Variants in ABCC9 observed in about 807,000 individuals in gnomAD.
The protein encoded by ABCC9 is ATP-binding cassette sub-family C member 9.
In ABCC9, 95 loss-of-function variants were observed where a neutral mutation model predicts 188.3. The ratio of observed to expected loss-of-function variants is 0.50; its 90% CI spans 0.43 to 0.60. The LOEUF is 0.60. ABCC9 is among the 20% of genes least tolerant of loss of function. The pLI is 0.00. For synonymous variants in ABCC9, 659 were observed against 652.7 expected (o/e 1.01, Z -0.15); for missense variants, 1,102 against 1,876.3 (o/e 0.59, Z 7.62).
intron 37 of ABCC9, 138 bp from the exon 38 acceptor site, chr12:21,807,617 G>A: frequency 8.5e-7 from 1 of 1,182,012 alleles, no homozygotes; most frequent in East Asian, 2.5e-5. Context: ...ACTTCATACT[G>A]GAACACAAAG....
chr12:21,913,355 G>A (rs1948409001), intron 7 of ABCC9, among the ~76,000 whole-genome samples: 1 of 152,118 alleles, frequency 6.6e-6, no homozygotes, highest in Middle Eastern at 3.2e-3. Flanking sequence ...GATGACACAG[G>A]ATTCTTAAAG....
chr12:21,903,266 G>T (rs772925114), intron 12 of ABCC9, among the ~76,000 whole-genome samples: 1 of 152,136 alleles, frequency 6.6e-6, no homozygotes, highest in Non-Finnish European at 1.5e-5. Flanking sequence ...AATTGGTATT[G>T]ATGGGACGTA....
intron 28 of ABCC9, 49 bp downstream of exon 28, chr12:21,844,434 T>G (rs1171335646): frequency 7.0e-7 from 1 of 1,434,552 alleles, no homozygotes; most frequent in Non-Finnish European, 9.8e-7. Context: ...GCTATTTAGC[T>G]TACATTGTGA....
chr12:21,914,595 A>C (rs962257216), intron 7 of ABCC9, among the ~76,000 whole-genome samples: 2 of 152,182 alleles, frequency 1.3e-5, no homozygotes, highest in African/African-American at 4.8e-5. Flanking sequence ...TTTATATAAC[A>C]AACATATTAT....
rs534141077 is a variant in ABCC9 at position 21,927,659 on chromosome 12, C to T, written c.285-1596G>A. On this transcript the variant is annotated intron_variant, in intron 4 of 39. Transcript: ENST00000261200. ...ATTGGAAAGAGGAGCTAATAAGTTT[C>T]GCCAGACATTTATGGATTGTGAAGG... Among the ~76,000 whole-genome samples, 4 of 152,096 alleles carry T rather than the reference C, an allele frequency of 2.6e-5. No individual in the cohort carries two copies. The East Asian group carries it at 7.7e-4, about 29-fold the overall frequency.
intron 5 of ABCC9, chr12:21,923,871 G>C (rs1948940257): frequency 1.4e-6 from 1 of 696,638 alleles, no homozygotes; most frequent in Non-Finnish European, 2.6e-6. Flanking sequence ...AAATAGTACA[G>C]ATGTCTATTA....
Position 21,894,065 on chromosome 12 carries a change from G to A in ABCC9, c.1769C>T (p.Thr590Met), listed in dbSNP as rs1479031095. 13 of 1,613,996 alleles carry A rather than the reference G, an allele frequency of 8.1e-6. No homozygotes were observed. The highest frequency in any genetic ancestry group is 2.2e-5 in the East Asian group (1 of 44,872). The change falls in exon 14 of 40, where the codon ACG (threonine) becomes ATG (methionine). Residue 590 changes from threonine to methionine, a missense_variant. This residue lies in a region of ABCC9 where 258 missense variants were observed against 325.6 expected (regional missense o/e 0.79). Transcript: ENST00000261200. ...GGCTTTGACTGCAAATCTGACCACC[G>A]TGGAGAGCAGGAACAGTGGTGTGAC... ...ILVTPLFLLSTVVRFAVKAII... is the reference protein window; with the variant it reads ...ILVTPLFLLSMVVRFAVKAII...
intron 18 of ABCC9, among the ~76,000 whole-genome samples, chr12:21,865,531 T>C (rs1170731959): frequency 6.6e-6 from 1 of 152,180 alleles, no homozygotes; most frequent in Non-Finnish European, 1.5e-5. Flanking sequence ...TTCTGTGGTA[T>C]AAATCCAATG....
At position 21,800,459 on chromosome 12, in the gene ABCC9, C is replaced by T. The variant is rs1173824062; in HGVS notation, c.*585G>A. 2.0e-5 allele frequency: 3 copies of T among 152,452 alleles called. No homozygotes were observed. Among genetic ancestry groups the T allele is most frequent in the Non-Finnish European group, 4.4e-5 (3 of 68,474 alleles). 9.4% of individuals were successfully genotyped at this position (152,452 alleles called of 1,614,324 possible). ...TGATCTTTCTAGATAAGGCTTTGGC[C>T]TTATAGAATAAGTATAAGTGTGATA... On this transcript the variant is annotated 3_prime_UTR_variant, in exon 40 of 40. Coordinates refer to ENST00000261200, the MANE Select transcript of ABCC9 (RefSeq NM_020297.4).
At chr12:21,871,072 G>A (rs1946047668) in intron 18 of ABCC9, among the ~76,000 whole-genome samples, 1 of 152,150 alleles carries the variant, frequency 6.6e-6, no homozygotes, top group South Asian at 2.1e-4. Context: ...TTCTGTCACT[G>A]TCATTCTTTC....
intron 12 of ABCC9, among the ~76,000 whole-genome samples, chr12:21,896,546 G>T (rs963028643): frequency 6.6e-6 from 1 of 152,130 alleles, no homozygotes; most frequent in Non-Finnish European, 1.5e-5. Context: ...AAGCCCAGAT[G>T]CATTAGCTAC....
chr12:21,889,219 G>T (rs1947025594), intron 14 of ABCC9, among the ~76,000 whole-genome samples: 1 of 152,258 alleles, frequency 6.6e-6, no homozygotes, highest in African/African-American at 2.4e-5. Context: ...AATTGCACTT[G>T]CAGAGAACTA....
intron 12 of ABCC9, among the ~76,000 whole-genome samples, chr12:21,896,179 G>C (rs1389176707): frequency 7.0e-6 from 1 of 142,550 alleles, no homozygotes. Flanking sequence ...ATGTATACAT[G>C]TGCCATGCTG....
rs906499382 is a variant in ABCC9, at chr12:21,800,892, CTG to C, written c.*150_*151del. 65 of 862,742 alleles carry C rather than the reference CTG, an allele frequency of 7.5e-5. No individual in the cohort carries two copies. Among genetic ancestry groups the C allele is most frequent in the African/African-American group, 4.8e-4 (28 of 58,764 alleles). The allele number at this position is 862,742 out of a possible 1,614,324, so 53.4% of individuals were successfully genotyped here. ...TATTAAGCAATAATATCTTGAAAAA[CTG>C]TTTTAAAAACAGGAAAAATAAATGT... On this transcript the variant is annotated 3_prime_UTR_variant, in exon 40 of 40. Transcript: ENST00000261200.
At chr12:21,920,038 C>T (rs1433696614) in intron 5 of ABCC9, among the ~76,000 whole-genome samples, 1 of 151,976 alleles carries the variant, frequency 6.6e-6, no homozygotes, top group Non-Finnish European at 1.5e-5. Context: ...ATTCAACACC[C>T]ATTCAAGACT....
intron 39 of ABCC9, among the ~76,000 whole-genome samples, chr12:21,802,903 T>C (rs1367137064): frequency 1.3e-5 from 2 of 152,082 alleles, no homozygotes; most frequent in Admixed American, 1.3e-4. Context: ...GCAGTTATAG[T>C]TGTGACTCAT....
At chr12:21,827,551 C>CAT (rs1456800809) in intron 31 of ABCC9, 3 of 151,774 alleles carry the variant, frequency 2.0e-5, no homozygotes, top group Non-Finnish European at 4.4e-5. Context: ...CACACACACA[C>CAT]ACACACACAC....
Position 21,811,166 on chromosome 12 carries a change from G to A in ABCC9, c.4211+883C>T, listed in dbSNP as rs144770334. On this transcript the variant is annotated intron_variant, in intron 36 of 39. Transcript: ENST00000261200. Reference sequence around the variant, plus strand: ...ATGAGATTCGATGGTTTTAAAGTGTGGCAGTTCCCCCTTCACTCTCCCTCT... The same window carrying A: ...ATGAGATTCGATGGTTTTAAAGTGTAGCAGTTCCCCCTTCACTCTCCCTCT... 4.7e-3 allele frequency among the ~76,000 whole-genome samples: 710 copies of A among 152,212 alleles called. 10 individuals are homozygous for A. The highest frequency in any genetic ancestry group is 0.016 in the African/African-American group (664 of 41,542).
intron 19 of ABCC9, among the ~76,000 whole-genome samples, chr12:21,864,001 C>T (rs1945658730): frequency 6.7e-6 from 1 of 149,216 alleles, no homozygotes; most frequent in African/African-American, 2.5e-5. Flanking sequence ...TGCCTGCTTT[C>T]CCCCCCACCC....
Sources: gnomAD v4.1 joint callset for allele counts (sites outside exome capture counted in the v4.1 genomes callset) on GRCh38, gnomAD v4.1.1 for gene constraint, gnomAD v4.1.1 regional missense constraint, MANE v1.5 for transcripts, NCBI Gene and HGNC (gene_info 2026-07-23, HGNC 2026-07-21) for gene names.